The following RTL4 variants were observed in gnomAD, a reference collection of about 807,000 sequenced individuals.
RTL4 encodes the protein retrotransposon Gag like 4, also known as retrotransposon Gag-like protein 4.
A neutral mutation model predicts 5.3 loss-of-function variants in RTL4; 4 were observed. The ratio of observed to expected loss-of-function variants is 0.75; its 90% CI spans 0.37 to 1.72. The LOEUF is 1.72. RTL4 is among the 40% of genes most tolerant of loss of function. RTL4 has a pLI of 0.04. For missense variants in RTL4, 260 were observed against 227.1 expected, an observed-to-expected ratio of 1.14 and a Z score of -0.93; for synonymous variants, 98 against 87.3, an observed-to-expected ratio of 1.12 and a Z score of -0.68.
At chrX:112,281,419 G>A in the RTL4 span, among the ~76,000 whole-genome samples, 4 of 111,618 alleles carry the variant, frequency 3.6e-5, no homozygotes, top group African/African-American at 1.3e-4. Context: ...TCCGTATTTG[G>A]GCTATTGGGA....
At chrX:112,292,590 CT>C in the RTL4 span, among the ~76,000 whole-genome samples, 1 of 111,572 alleles carries the variant, frequency 9.0e-6, no homozygotes, top group South Asian at 3.8e-4. Flanking sequence ...TAAAGATTTC[CT>C]TTAAATAGGC....
At chrX:112,228,373 G>T in the RTL4 span, among the ~76,000 whole-genome samples, 1 of 111,963 alleles carries the variant, frequency 8.9e-6, no homozygotes, top group Admixed American at 9.5e-5. Context: ...ACACAGTGAA[G>T]TCTGTGACAC....
chrX:112,146,675 G>T, the RTL4 span, among the ~76,000 whole-genome samples: 1 of 109,386 alleles, frequency 9.1e-6, no homozygotes. Flanking sequence ...GTGTTTCCCT[G>T]AAATATTAAT....
chrX:112,434,718 C>A, the RTL4 span, among the ~76,000 whole-genome samples: 87 of 111,492 alleles, frequency 7.8e-4, no homozygotes, highest in African/African-American at 2.7e-3. Context: ...CCTGCTGGAC[C>A]AGAAACCAGA....
At chrX:112,219,148 T>G in the RTL4 span, among the ~76,000 whole-genome samples, 1,812 of 111,810 alleles carry the variant, frequency 0.016, 26 homozygotes, top group African/African-American at 0.057. Flanking sequence ...CTTAACATCA[T>G]TATAAGAAAA....
chrX:112,427,774 TTTA>T, the RTL4 span, among the ~76,000 whole-genome samples: 1 of 111,252 alleles, frequency 9.0e-6, no homozygotes, highest in African/African-American at 3.3e-5. Flanking sequence ...ATTTTGTTAT[TTTA>T]TTATTATTTC....
the RTL4 span, among the ~76,000 whole-genome samples, chrX:112,138,975 G>T: frequency 9.0e-6 from 1 of 111,288 alleles, no homozygotes; most frequent in South Asian, 3.8e-4. Context: ...TCCAAACCAG[G>T]ATATCACATT....
the RTL4 span, among the ~76,000 whole-genome samples, chrX:112,295,173 G>T: frequency 2.7e-5 from 3 of 111,779 alleles, no homozygotes; most frequent in African/African-American, 9.7e-5. Context: ...GCTTCTAAGT[G>T]TATCCAAAAT....
the RTL4 span, among the ~76,000 whole-genome samples, chrX:112,181,280 CAGG>C: frequency 9.0e-6 from 1 of 111,089 alleles, no homozygotes; most frequent in Admixed American, 9.5e-5. Flanking sequence ...GAGCTAGCTG[CAGG>C]AGTTTTTTTC....
the RTL4 span, among the ~76,000 whole-genome samples, chrX:112,235,640 T>G: frequency 8.9e-6 from 1 of 112,009 alleles, no homozygotes; most frequent in African/African-American, 3.2e-5. Context: ...AGCACAAGTA[T>G]AAATATTAGT....
chrX:112,447,055 C>A, the RTL4 span, among the ~76,000 whole-genome samples: 16 of 111,545 alleles, frequency 1.4e-4, no homozygotes, highest in Non-Finnish European at 2.6e-4. Context: ...TTAAATATTT[C>A]CATATTGAAT....
the RTL4 span, among the ~76,000 whole-genome samples, chrX:112,174,328 A>G: frequency 1.0e-5 from 1 of 95,442 alleles, no homozygotes; most frequent in African/African-American, 3.8e-5. Context: ...GAGAACATGC[A>G]GTGTTTGGTT....
At chrX:112,267,509 T>G in the RTL4 span, among the ~76,000 whole-genome samples, 3 of 111,915 alleles carry the variant, frequency 2.7e-5, no homozygotes, top group African/African-American at 9.8e-5. Flanking sequence ...TCTCCATGGC[T>G]CAGTCTCACA....
the RTL4 span, among the ~76,000 whole-genome samples, chrX:112,169,063 TCTTTCTTTTTTCTTTCTTTCTTTTCTTTC>T: frequency 9.0e-4 from 36 of 39,802 alleles, no homozygotes; most frequent in East Asian, 1.9e-3. Flanking sequence ...TTTCTTTCTT[TCTTTCTTTTTTCTTTCTTTCTTTTCTTTC>T]TTTCTTTCTT....
At chrX:112,184,272 A>G in the RTL4 span, among the ~76,000 whole-genome samples, 3 of 110,543 alleles carry the variant, frequency 2.7e-5, no homozygotes, top group African/African-American at 9.9e-5. Flanking sequence ...TAATGGGTGC[A>G]GCACACTGAC....
chrX:112,235,661 A>ATCT, the RTL4 span, among the ~76,000 whole-genome samples: 4 of 112,003 alleles, frequency 3.6e-5, no homozygotes, highest in South Asian at 3.7e-4. Flanking sequence ...TGTATCTAAT[A>ATCT]AAAATGCTCC....
the RTL4 span, among the ~76,000 whole-genome samples, chrX:112,209,886 G>C: frequency 8.9e-6 from 1 of 111,783 alleles, no homozygotes; most frequent in Non-Finnish European, 1.9e-5. Flanking sequence ...GTTATCTGCA[G>C]AAGATGGCAG....
chrX:112,303,313 A>C, the RTL4 span, among the ~76,000 whole-genome samples: 1 of 110,689 alleles, frequency 9.0e-6, no homozygotes, highest in African/African-American at 3.3e-5. Context: ...TAAATGAATT[A>C]TATTATCCAT....
the RTL4 span, among the ~76,000 whole-genome samples, chrX:112,176,179 A>C: frequency 8.9e-6 from 1 of 111,801 alleles, no homozygotes; most frequent in African/African-American, 3.3e-5. Flanking sequence ...GATGTGAAGG[A>C]CCTCTTCAAG....
Sources: gnomAD v4.1 joint callset for allele counts (sites outside exome capture counted in the v4.1 genomes callset) on GRCh38, gnomAD v4.1.1 for gene constraint, MANE v1.5 for transcripts, NCBI Gene and HGNC (gene_info 2026-07-23, HGNC 2026-07-21) for gene names.